Variants in CMTM8 observed in about 807,000 individuals in gnomAD.
The protein encoded by CMTM8 is CKLF like MARVEL transmembrane domain containing 8.
Under a neutral mutation model 18.6 loss-of-function variants are expected in CMTM8, and 12 were observed. That is an observed-to-expected ratio of 0.65 (90% confidence interval 0.41 to 1.05). CMTM8 has a LOEUF of 1.05. Among genes scored for constraint, CMTM8 ranks in the 50% least tolerant of loss-of-function variants. The probability of loss-of-function intolerance (pLI) is 0.00; values close to 1 mark genes in which losing one functional copy is unlikely to be tolerated. For synonymous variants in CMTM8, 87 were observed against 90.6 expected, an observed-to-expected ratio of 0.96 and a Z score of 0.23; for missense variants, 217 against 227.2, an observed-to-expected ratio of 0.95 and a Z score of 0.29.
chr3:32,333,907 A>G (rs1696330663), intron 1 of CMTM8, among the ~76,000 whole-genome samples: 1 of 152,114 alleles, frequency 6.6e-6, no homozygotes, highest in Admixed American at 6.5e-5. Context: ...CAATTATATA[A>G]ATTATAGGGG....
intron 1 of CMTM8, among the ~76,000 whole-genome samples, chr3:32,345,205 G>T (rs924057188): frequency 6.6e-6 from 1 of 152,062 alleles, no homozygotes; most frequent in African/African-American, 2.4e-5. Flanking sequence ...CCTGAGTGTG[G>T]TGGTGTAGTC....
At chr3:32,345,944 C>G (rs1426342641) in intron 1 of CMTM8, among the ~76,000 whole-genome samples, 1 of 152,206 alleles carries the variant, frequency 6.6e-6, no homozygotes, top group Non-Finnish European at 1.5e-5. Flanking sequence ...CACCTGAGGT[C>G]AGGAGTTTGC....
intron 1 of CMTM8, among the ~76,000 whole-genome samples, chr3:32,350,344 C>T (rs1459638909): frequency 6.7e-6 from 1 of 149,806 alleles, no homozygotes; most frequent in Non-Finnish European, 1.5e-5. Flanking sequence ...ATCCATTGTT[C>T]ATATGTGTTC....
chr3:32,239,747 C>G (rs903908132), intron 1 of CMTM8, among the ~76,000 whole-genome samples: 2 of 152,172 alleles, frequency 1.3e-5, no homozygotes, highest in African/African-American at 2.4e-5. Flanking sequence ...GCTGAAAACT[C>G]ACGTGATCTT....
intron 1 of CMTM8, among the ~76,000 whole-genome samples, chr3:32,253,447 T>C (rs1261206946): frequency 6.6e-6 from 1 of 151,146 alleles, no homozygotes; most frequent in East Asian, 1.9e-4. Flanking sequence ...AAGGTTCAAG[T>C]GATTCTCCTG....
intron 1 of CMTM8, among the ~76,000 whole-genome samples, chr3:32,298,864 T>C (rs1042840612): frequency 1.6e-4 from 24 of 145,926 alleles, no homozygotes; most frequent in African/African-American, 5.5e-4. Context: ...CACACACACA[T>C]ATATATACAC....
intron 1 of CMTM8, among the ~76,000 whole-genome samples, chr3:32,252,116 G>A (rs6762502): frequency 0.038 from 5,783 of 152,122 alleles, 220 homozygotes; most frequent in South Asian, 0.2. Context: ...AAAATTTACC[G>A]TCTTAAATTT....
rs111557038 is a variant in CMTM8 at position 32,357,226 on chromosome 3, G to A, written c.148-147G>A. 7,700 of 711,182 alleles carry A rather than the reference G, an allele frequency of 0.011. 468 individuals carry two copies. In the African/African-American group the frequency reaches 0.13, roughly 12 times the overall value. The allele number at this position is 711,182 out of a possible 1,614,324, so 44.1% of individuals were successfully genotyped here. A position where few individuals can be genotyped will look rare whatever the true frequency, so the allele number is the denominator to read the frequency against. On this transcript the variant is annotated intron_variant, in intron 1 of 3. Transcript: ENST00000307526. Reference sequence around the variant, plus strand: ...TCCATGGCACTCTAGCCTGGGCGACGGGAGCGAGACTCCATCTCAAATAAA... The same window carrying A: ...TCCATGGCACTCTAGCCTGGGCGACAGGAGCGAGACTCCATCTCAAATAAA...
chr3:32,265,880 T>C (rs1702334292), intron 1 of CMTM8, among the ~76,000 whole-genome samples: 1 of 152,194 alleles, frequency 6.6e-6, no homozygotes, highest in African/African-American at 2.4e-5. Context: ...CCTGGACACA[T>C]ACACCCTCCC....
intron 2 of CMTM8, among the ~76,000 whole-genome samples, chr3:32,362,638 A>G (rs758111709): frequency 2.1e-4 from 32 of 152,148 alleles, no homozygotes; most frequent in Non-Finnish European, 4.4e-4. Flanking sequence ...TGCCATCCTG[A>G]GCAGGAAGTG....
At chr3:32,240,769 T>A (rs1701937339) in intron 1 of CMTM8, among the ~76,000 whole-genome samples, 1 of 152,180 alleles carries the variant, frequency 6.6e-6, no homozygotes, top group African/African-American at 2.4e-5. Flanking sequence ...TTGACAGAGC[T>A]AATTATGCAC....
Position 32,238,893 on chromosome 3 carries a change from C to A in CMTM8, c.-80C>A. 4 of 1,350,920 alleles carry A rather than the reference C, an allele frequency of 3.0e-6. No homozygotes were observed. Among genetic ancestry groups the A allele is most frequent in the Non-Finnish European group, 9.7e-7 (1 of 1,033,514 alleles). The allele number at this position is 1,350,920 out of a possible 1,614,324, so 83.7% of individuals were successfully genotyped here. On this transcript the variant is annotated 5_prime_UTR_variant, in exon 1 of 4. Coordinates refer to ENST00000307526, the MANE Select transcript of CMTM8 (RefSeq NM_178868.5). ...GCGCTCCCCTCCCCCGCGCCTGTGT[C>A]CCCAGGGCGCAGGGCCGCGCGTCCA...
intron 1 of CMTM8, among the ~76,000 whole-genome samples, chr3:32,320,169 T>A (rs1035309286): frequency 1.2e-4 from 18 of 152,214 alleles, no homozygotes; most frequent in African/African-American, 4.3e-4. Context: ...ACACAAAAAC[T>A]GTACACAAGT....
chr3:32,276,004 C>T (rs1702511447), intron 1 of CMTM8, among the ~76,000 whole-genome samples: 1 of 152,128 alleles, frequency 6.6e-6, no homozygotes, highest in Admixed American at 6.5e-5. Context: ...GCCATCTCAC[C>T]CACCTCCTTT....
intron 1 of CMTM8, chr3:32,259,136 A>T: frequency 2.4e-6 from 1 of 413,380 alleles, no homozygotes. Context: ...GGGTCCGGGG[A>T]CCTGGCCGCA....
intron 1 of CMTM8, among the ~76,000 whole-genome samples, chr3:32,324,520 A>G (rs1197975799): frequency 6.6e-6 from 1 of 152,230 alleles, no homozygotes. Context: ...TGTTTTGGGT[A>G]CGTCCTTCCC....
intron 1 of CMTM8, among the ~76,000 whole-genome samples, chr3:32,283,666 A>T (rs1416073761): frequency 6.6e-6 from 1 of 152,166 alleles, no homozygotes. Context: ...TCTTGACACA[A>T]AAAACAACTT....
intron 1 of CMTM8, among the ~76,000 whole-genome samples, chr3:32,249,984 C>T (rs1419610094): frequency 6.6e-6 from 1 of 152,112 alleles, no homozygotes; most frequent in Non-Finnish European, 1.5e-5. Context: ...GATATACTCT[C>T]TATTTTCTTC....
intron 1 of CMTM8, among the ~76,000 whole-genome samples, chr3:32,312,542 T>C (rs994283574): frequency 2.0e-5 from 3 of 151,948 alleles, no homozygotes; most frequent in African/African-American, 7.3e-5. Flanking sequence ...CCCCATGGAG[T>C]TGGGGGTCAC....
Sources: gnomAD v4.1 joint callset for allele counts (sites outside exome capture counted in the v4.1 genomes callset) on GRCh38, gnomAD v4.1.1 for gene constraint, MANE v1.5 for transcripts, NCBI Gene and HGNC (gene_info 2026-07-23, HGNC 2026-07-21) for gene names.